Variants in UNC80 observed in about 807,000 individuals in gnomAD.
The protein encoded by UNC80 is unc-80 subunit of NALCN channel complex.
A neutral mutation model predicts 384.6 loss-of-function variants in UNC80; 164 were observed. The ratio of observed to expected loss-of-function variants is 0.43; its 90% CI spans 0.38 to 0.49. UNC80 has a LOEUF of 0.49. UNC80 is among the 20% of genes least tolerant of loss of function. UNC80 has a pLI of 0.00. For synonymous variants in UNC80, 1,486 were observed against 1,527.8 expected, an observed-to-expected ratio of 0.97 and a Z score of 0.64; for missense variants, 3,330 against 4,143.0, an observed-to-expected ratio of 0.80 and a Z score of 5.39.
chr2:209,930,918 C>G, intron 37 of UNC80, 50 bp from the exon 38 acceptor site: 1 of 1,328,612 alleles, frequency 7.5e-7, no homozygotes, highest in Non-Finnish European at 1.0e-6. Context: ...ATTTTATTTT[C>G]TACAGCATGG....
chr2:209,904,574 A>G (rs2087943498), intron 28 of UNC80, among the ~76,000 whole-genome samples, 191 bp from the exon 29 acceptor site: 1 of 152,180 alleles, frequency 6.6e-6, no homozygotes, highest in Non-Finnish European at 1.5e-5. Context: ...TCAAGTATGA[A>G]TGGGGGGAGA....
intron 51 of UNC80, among the ~76,000 whole-genome samples, chr2:209,966,640 A>G (rs1350253795): frequency 6.6e-6 from 1 of 152,202 alleles, no homozygotes; most frequent in Non-Finnish European, 1.5e-5. Flanking sequence ...CCTTCAGAAA[A>G]TCTGACACTT....
Position 209,931,168 on chromosome 2 carries a change from A to C in UNC80, c.5994+114A>C, listed in dbSNP as rs913588167. ...ACATTACTAAAGGCAAATCCTGGTC[A>C]ACTAAATTCTGTGTAGGGAAGCCCC... On this transcript the variant is annotated intron_variant, in intron 38 of 64. Coordinates refer to ENST00000673920, the MANE Select transcript of UNC80 (RefSeq NM_001371986.1). 1.4e-5 allele frequency: 10 copies of C among 726,654 alleles called. No homozygotes were observed. The South Asian group carries it at 1.9e-4, about 14-fold the overall frequency. The allele number at this position is 726,654 out of a possible 1,614,324, so 45.0% of individuals were successfully genotyped here. A position where few individuals can be genotyped will look rare whatever the true frequency, so the allele number is the denominator to read the frequency against.
chr2:209,868,952 TGGGCA>T (rs2084066641), intron 22 of UNC80, among the ~76,000 whole-genome samples: 1 of 152,190 alleles, frequency 6.6e-6, no homozygotes, highest in Admixed American at 6.5e-5. Context: ...AAAAGGGATC[TGGGCA>T]GACATGTTAA....
chr2:209,922,916 A>G (rs975272027), intron 35 of UNC80, among the ~76,000 whole-genome samples: 1 of 152,206 alleles, frequency 6.6e-6, no homozygotes, highest in Non-Finnish European at 1.5e-5. Context: ...ATCTTTTCAT[A>G]TGCTTATTGA....
chr2:209,803,857 C>A (rs2078712271), intron 7 of UNC80, among the ~76,000 whole-genome samples: 1 of 152,082 alleles, frequency 6.6e-6, no homozygotes, highest in African/African-American at 2.4e-5. Context: ...CACAGCCTCC[C>A]AAGTGGATAA....
chr2:209,897,782 T>C (rs542489690), intron 28 of UNC80, among the ~76,000 whole-genome samples: 1 of 152,312 alleles, frequency 6.6e-6, no homozygotes, highest in Non-Finnish European at 1.5e-5. Flanking sequence ...CTGCAAGCAT[T>C]GTGTAAGAAC....
intron 22 of UNC80, among the ~76,000 whole-genome samples, chr2:209,850,901 G>C (rs1351082988): frequency 2.6e-5 from 4 of 152,090 alleles, no homozygotes; most frequent in Non-Finnish European, 1.5e-5. Flanking sequence ...TTCTAGGTGG[G>C]ATAGTGGAAA....
At chr2:209,809,614 C>T in intron 7 of UNC80, 1 of 667,824 alleles carries the variant, frequency 1.5e-6, no homozygotes. Context: ...CCCTACCAGA[C>T]ACCCTGCCCC....
intron 35 of UNC80, among the ~76,000 whole-genome samples, chr2:209,925,633 T>C (rs1243652297): frequency 6.6e-6 from 1 of 152,230 alleles, no homozygotes. Context: ...AGAGTGCTGA[T>C]TGGTGCGTTT....
At chr2:209,927,179 A>G (rs975258379) in intron 36 of UNC80, among the ~76,000 whole-genome samples, 193 bp downstream of exon 36, 1 of 152,156 alleles carries the variant, frequency 6.6e-6, no homozygotes, top group African/African-American at 2.4e-5. Context: ...CTCTACCTTT[A>G]TGGCCAAAAA....
chr2:209,871,217 T>C (rs911722766), intron 22 of UNC80, among the ~76,000 whole-genome samples: 3 of 152,246 alleles, frequency 2.0e-5, no homozygotes, highest in Non-Finnish European at 2.9e-5. Flanking sequence ...CTACAAATTA[T>C]CTTTTACTAA....
chr2:209,774,116 C>T (rs936747015), intron 2 of UNC80, among the ~76,000 whole-genome samples: 2 of 152,138 alleles, frequency 1.3e-5, no homozygotes, highest in Admixed American at 1.3e-4. Flanking sequence ...ATGTGGATGA[C>T]CTTGTGGTAA....
chr2:209,977,673 C>T (rs1057490440), intron 58 of UNC80, among the ~76,000 whole-genome samples: 1 of 152,190 alleles, frequency 6.6e-6, no homozygotes, highest in Non-Finnish European at 1.5e-5. Flanking sequence ...TAACTTTTCA[C>T]ACATTGGAAG....
intron 22 of UNC80, among the ~76,000 whole-genome samples, chr2:209,868,903 T>C (rs2084061599): frequency 6.6e-6 from 1 of 152,194 alleles, no homozygotes; most frequent in South Asian, 2.1e-4. Context: ...AGTTATAATA[T>C]AATGGAATAG....
intron 46 of UNC80, among the ~76,000 whole-genome samples, chr2:209,945,452 C>T (rs1201439696): frequency 6.6e-6 from 1 of 152,084 alleles, no homozygotes; most frequent in African/African-American, 2.4e-5. Flanking sequence ...TGTAGCACTG[C>T]AGTTTTCAGA....
intron 12 of UNC80, among the ~76,000 whole-genome samples, chr2:209,819,581 A>C (rs1178167993): frequency 1.3e-5 from 2 of 152,172 alleles, no homozygotes; most frequent in East Asian, 3.8e-4. Context: ...GAGGGCAAAA[A>C]AATTCTTCAC....
intron 21 of UNC80, among the ~76,000 whole-genome samples, chr2:209,844,770 T>C (rs895035146): frequency 6.0e-5 from 9 of 149,268 alleles, no homozygotes; most frequent in African/African-American, 2.2e-4. Flanking sequence ...TGTTTTACAT[T>C]TTTTGTAGAG....
chr2:209,911,185 CAGAG>C (rs35451837), intron 29 of UNC80, among the ~76,000 whole-genome samples: 36,950 of 151,852 alleles, frequency 0.24, 5,447 homozygotes, highest in East Asian at 0.39. Context: ...AATAATAAAA[CAGAG>C]AGGTGCCAGT....
Sources: gnomAD v4.1 joint callset for allele counts (sites outside exome capture counted in the v4.1 genomes callset) on GRCh38, gnomAD v4.1.1 for gene constraint, MANE v1.5 for transcripts, NCBI Gene and HGNC (gene_info 2026-07-23, HGNC 2026-07-21) for gene names.